Variants in EYA4 observed in about 807,000 individuals in gnomAD.
EYA4 encodes the protein EYA transcriptional coactivator and phosphatase 4, also known as protein phosphatase EYA4.
Under a neutral mutation model 87.9 loss-of-function variants are expected in EYA4, and 31 were observed. The ratio of observed to expected loss-of-function variants is 0.35; its 90% CI spans 0.27 to 0.48. The LOEUF is 0.48. Ranked by LOEUF, EYA4 falls within the 20% of genes least tolerant of loss-of-function variation. The pLI is 0.99. For synonymous variants in EYA4, 263 were observed against 270.6 expected, an observed-to-expected ratio of 0.97 and a Z score of 0.28; for missense variants, 678 against 761.4, an observed-to-expected ratio of 0.89 and a Z score of 1.29.
chr6:133,444,079 T>G (rs777009661), intron 3 of EYA4, among the ~76,000 whole-genome samples: 1 of 152,194 alleles, frequency 6.6e-6, no homozygotes, highest in Non-Finnish European at 1.5e-5. Flanking sequence ...TGTATATTTT[T>G]TAAAATTTAT....
chr6:133,507,383 T>TA (rs1216323051), intron 14 of EYA4: 1 of 151,160 alleles, frequency 6.6e-6, no homozygotes, highest in Non-Finnish European at 1.5e-5. Flanking sequence ...TAAATAACTT[T>TA]TTTTTTTAAT....
chr6:133,416,891 G>A lies in EYA4; in HGVS notation c.84-29739G>A, dbSNP rs556691671. 2.6e-5 allele frequency among the ~76,000 whole-genome samples: 4 copies of A among 152,320 alleles called. No individual in the cohort carries two copies. In the South Asian group the frequency reaches 8.3e-4, roughly 32 times the overall value. ...ACGGAATGTTCTAGAAATGAGTGGAGTTGGCCGGGGCCCACTGCCCTCTGT... is the reference window on the plus strand; with the variant it reads ...ACGGAATGTTCTAGAAATGAGTGGAATTGGCCGGGGCCCACTGCCCTCTGT... On this transcript the variant is annotated intron_variant, in intron 3 of 19. Transcript: ENST00000355286.
chr6:133,390,298 T>A (rs2128493576), intron 3 of EYA4, among the ~76,000 whole-genome samples: 1 of 152,214 alleles, frequency 6.6e-6, no homozygotes, highest in East Asian at 1.9e-4. Flanking sequence ...CGGCTCACTG[T>A]ATCCTCCACC....
At chr6:133,412,411 C>T (rs1055754688) in intron 3 of EYA4, among the ~76,000 whole-genome samples, 7 of 152,164 alleles carry the variant, frequency 4.6e-5, no homozygotes, top group African/African-American at 1.7e-4. Flanking sequence ...TTCCCAGAAT[C>T]CTCCCTCATG....
chr6:133,418,604 A>C (rs1789951499), intron 3 of EYA4, among the ~76,000 whole-genome samples: 1 of 152,216 alleles, frequency 6.6e-6, no homozygotes, highest in African/African-American at 2.4e-5. Flanking sequence ...ATACATTTCA[A>C]ATATACATAA....
chr6:133,363,798 A>T (rs1227814116), intron 2 of EYA4, among the ~76,000 whole-genome samples: 2 of 152,140 alleles, frequency 1.3e-5, no homozygotes, highest in Non-Finnish European at 2.9e-5. Flanking sequence ...CTTGAGCCTG[A>T]TGTTCCCGCT....
At chr6:133,344,391 C>A (rs72995908) in intron 2 of EYA4, among the ~76,000 whole-genome samples, 1 of 152,072 alleles carries the variant, frequency 6.6e-6, no homozygotes, top group Non-Finnish European at 1.5e-5. Context: ...TAAAATTTTA[C>A]GAATTTAAGA....
chr6:133,346,500 A>G (rs1425612904), intron 2 of EYA4, among the ~76,000 whole-genome samples: 1 of 152,194 alleles, frequency 6.6e-6, no homozygotes, highest in Non-Finnish European at 1.5e-5. Flanking sequence ...TAAAAATCTT[A>G]TCATTAGCAA....
At chr6:133,298,460 T>G (rs1001074609) in intron 2 of EYA4, among the ~76,000 whole-genome samples, 5 of 152,188 alleles carry the variant, frequency 3.3e-5, no homozygotes, top group African/African-American at 4.8e-5. Context: ...TGTGTGTATG[T>G]ATATGTGTGT....
rs528923552 is a variant in EYA4 at position 133,486,568 on chromosome 6, A to G, written c.1191+3453A>G. ...AAAAAACAAAACAAAACAAAAAAAAACACATTTCAGGTATTGGTGACTTCT... is the reference window on the plus strand; with the variant it reads ...AAAAAACAAAACAAAACAAAAAAAAGCACATTTCAGGTATTGGTGACTTCT... On this transcript the variant is annotated intron_variant, in intron 13 of 19. Transcript: ENST00000355286. Among the ~76,000 whole-genome samples the G allele has an allele frequency of 1.3e-4, 19 of 151,642 alleles. 1 individual carries two copies. The East Asian group carries it at 3.7e-3, about 29-fold the overall frequency.
intron 2 of EYA4, among the ~76,000 whole-genome samples, chr6:133,294,060 T>TATATATATATATATATAG (rs1562257741): frequency 2.1e-5 from 2 of 94,912 alleles, no homozygotes; most frequent in Non-Finnish European, 4.7e-5. Context: ...TATATATATA[T>TATATATATATATATATAG]ATAATTCTAT....
At chr6:133,478,981 C>T (rs1001095061) in intron 11 of EYA4, among the ~76,000 whole-genome samples, 1 of 152,054 alleles carries the variant, frequency 6.6e-6, no homozygotes, top group African/African-American at 2.4e-5. Flanking sequence ...ACAAAGTTGC[C>T]TTATGATAGT....
chr6:133,474,877 AACAGTC>A (rs1795589886), intron 11 of EYA4, among the ~76,000 whole-genome samples: 1 of 152,138 alleles, frequency 6.6e-6, no homozygotes, highest in Non-Finnish European at 1.5e-5. Context: ...TTTTTCATAG[AACAGTC>A]ACTGCTGAAT....
chr6:133,502,043 T>TTC (rs3836968), intron 13 of EYA4, among the ~76,000 whole-genome samples: 2,296 of 146,346 alleles, frequency 0.016, 36 homozygotes, highest in East Asian at 0.09. Context: ...CATCTTCCTC[T>TTC]TCTCTCTCTC....
intron 1 of EYA4, among the ~76,000 whole-genome samples, chr6:133,273,481 C>A (rs1418513617): frequency 6.6e-6 from 1 of 152,132 alleles, no homozygotes; most frequent in East Asian, 1.9e-4. Flanking sequence ...ATCAAGTTGA[C>A]ACTCAGTATT....
At chr6:133,353,358 T>A (rs1412932591) in intron 2 of EYA4, among the ~76,000 whole-genome samples, 2 of 152,128 alleles carry the variant, frequency 1.3e-5, no homozygotes, top group African/African-American at 2.4e-5. Context: ...AGGTGACAAA[T>A]GTTGAGATGA....
chr6:133,497,319 T>G (rs1797725087), intron 13 of EYA4, among the ~76,000 whole-genome samples: 1 of 152,186 alleles, frequency 6.6e-6, no homozygotes, highest in Non-Finnish European at 1.5e-5. Context: ...CAACTAACTT[T>G]TGTGTTTTAA....
At chr6:133,242,471 T>C (rs1182396902) in intron 1 of EYA4, among the ~76,000 whole-genome samples, 1 of 152,152 alleles carries the variant, frequency 6.6e-6, no homozygotes, top group African/African-American at 2.4e-5. Context: ...GGCTTATAAC[T>C]TCTCCAAAGG....
At chr6:133,416,110 T>C (rs1789691106) in intron 3 of EYA4, among the ~76,000 whole-genome samples, 1 of 152,144 alleles carries the variant, frequency 6.6e-6, no homozygotes, top group African/African-American at 2.4e-5. Context: ...CTCTGGGCAG[T>C]GAGAACTCAT....
Sources: allele counts gnomAD v4.1 joint callset (sites outside exome capture counted in the v4.1 genomes callset), GRCh38; gene constraint gnomAD v4.1.1; transcripts MANE v1.5; gene names NCBI Gene and HGNC (gene_info 2026-07-23, HGNC 2026-07-21).